Variants in USP45 observed in about 807,000 individuals in gnomAD.
The protein encoded by USP45 is ubiquitin specific peptidase 45.
A neutral mutation model predicts 95.8 loss-of-function variants in USP45; 89 were observed. The observed-to-expected ratio is 0.93, with a 90% CI of 0.78 to 1.11. USP45 has a LOEUF of 1.11. Ranked by LOEUF, USP45 falls within the 50% of genes least tolerant of loss-of-function variation. The pLI, the probability that USP45 is intolerant of heterozygous loss-of-function variation, is 0.00. For synonymous variants in USP45, 281 were observed against 316.2 expected (o/e 0.89, Z 1.18); for missense variants, 898 against 942.5 (o/e 0.95, Z 0.62).
chr6:99,500,485 C>T (rs1490568146), intron 5 of USP45, among the ~76,000 whole-genome samples: 3 of 152,044 alleles, frequency 2.0e-5, no homozygotes, highest in Admixed American at 6.6e-5. Context: ...TCTTATAATA[C>T]TTATTCAAGA....
chr6:99,458,928 A>T (rs897171669), intron 13 of USP45, among the ~76,000 whole-genome samples: 1 of 152,250 alleles, frequency 6.6e-6, no homozygotes, highest in African/African-American at 2.4e-5. Context: ...ACACACAAAA[A>T]TTAACCAGAT....
At position 99,446,014 on chromosome 6, in the gene USP45, A is replaced by G; in HGVS notation, c.1758T>C (p.Asn586=). 1 of 1,613,988 alleles carries G rather than the reference A, an allele frequency of 6.2e-7. No individual in the cohort carries two copies. The highest frequency in any genetic ancestry group is 8.5e-7 in the Non-Finnish European group (1 of 1,179,956). ...RENQPLNISN[N]LCFLEGKHLR... is the part of the protein sequence containing the mutation. ...AATGCTTCCCCTCTAAAAAACATAA[A>G]TTATTTGAAATATTTAGTGGCTGAT... Residue 586 remains asparagine, a synonymous_variant, in exon 14 of 18, where the codon AAT becomes AAC. Coordinates refer to ENST00000500704, the MANE Select transcript of USP45 (RefSeq NM_001346022.3).
At chr6:99,507,188 CAG>C (rs750143577) in intron 4 of USP45, among the ~76,000 whole-genome samples, 3 of 152,176 alleles carry the variant, frequency 2.0e-5, no homozygotes, top group Non-Finnish European at 2.9e-5. Context: ...GCCTTGGCGA[CAG>C]AGTGAGACTC....
At chr6:99,451,795 G>C (rs1783911712) in intron 13 of USP45, among the ~76,000 whole-genome samples, 1 of 152,200 alleles carries the variant, frequency 6.6e-6, no homozygotes, top group Non-Finnish European at 1.5e-5. Context: ...CAAGGCTATA[G>C]TAACCAAAAC....
chr6:99,515,316 G>A (rs1800951335), intron 1 of USP45, 76 bp downstream of exon 1: 1 of 152,236 alleles, frequency 6.6e-6, no homozygotes, highest in Non-Finnish European at 1.5e-5. Flanking sequence ...AGGGGGTCAA[G>A]GTCGCCGAAG....
chr6:99,507,293 C>T (rs1299209506), intron 4 of USP45, 135 bp downstream of exon 4: 13 of 490,616 alleles, frequency 2.6e-5, no homozygotes, highest in South Asian at 2.1e-4. Context: ...TTGAAGTATC[C>T]CATAGATTGT....
chr6:99,503,914 A>AATTG, intron 4 of USP45, 49 bp from the exon 5 acceptor site: 1 of 1,309,870 alleles, frequency 7.6e-7, no homozygotes, highest in Non-Finnish European at 1.0e-6. Context: ...ATTCTCAATA[A>AATTG]TTTTGCACAT....
chr6:99,439,235 C>T (rs944779870), intron 16 of USP45, among the ~76,000 whole-genome samples: 3 of 152,202 alleles, frequency 2.0e-5, no homozygotes, highest in African/African-American at 7.2e-5. Flanking sequence ...TCTACTTCAT[C>T]TACACAATTC....
Position 99,508,623 on chromosome 6 carries a change from T to C in USP45, c.260A>G (p.Lys87Arg), listed in dbSNP as rs1417425461. 1 of 1,612,136 alleles carries C rather than the reference T, an allele frequency of 6.2e-7. No individual in the cohort carries two copies. Among genetic ancestry groups the C allele is most frequent in the East Asian group, 2.2e-5 (1 of 44,810 alleles). The change falls in exon 3 of 18, where the codon AAG becomes AGG. Residue 87 changes from lysine (K) to arginine (R), a missense_variant. Coordinates refer to ENST00000500704, the MANE Select transcript of USP45 (RefSeq NM_001346022.3). ...VLTSDIWLCL[K>R]CGFQGCGKNS... ...TACTTTTCTTACCTGGAAGCCACACTTGAGGCACAACCAAATATCAGAAGT... is the reference window on the plus strand; with the variant it reads ...TACTTTTCTTACCTGGAAGCCACACCTGAGGCACAACCAAATATCAGAAGT...
At chr6:99,442,375 G>T (rs1306059692) in intron 15 of USP45, among the ~76,000 whole-genome samples, 1 of 152,168 alleles carries the variant, frequency 6.6e-6, no homozygotes, top group African/African-American at 2.4e-5. Flanking sequence ...GGCTATGGAA[G>T]AATTCAGAAC....
In USP45 at chr6:99,455,744, G is replaced by T. The variant is rs146079547; in HGVS notation, c.1308+8860C>A. On this transcript the variant is annotated intron_variant, in intron 13 of 17. Transcript: ENST00000500704. ...ATTTGCATCAACATGGGTTGAACTG[G>T]AGGTCATTATGTTAAGTAAGGCAAG... Among the ~76,000 whole-genome samples, 30 of 147,448 alleles carry T rather than the reference G, an allele frequency of 2.0e-4. 1 individual carries two copies. The East Asian group carries it at 5.9e-3, about 29-fold the overall frequency.
chr6:99,456,873 CTT>C (rs1487380272), intron 13 of USP45, among the ~76,000 whole-genome samples: 4 of 152,204 alleles, frequency 2.6e-5, no homozygotes, highest in Non-Finnish European at 4.4e-5. Flanking sequence ...CCATATTTCT[CTT>C]CTTTCAAAAG....
chr6:99,472,181 A>G (rs1789569608), intron 9 of USP45, among the ~76,000 whole-genome samples: 1 of 151,476 alleles, frequency 6.6e-6, no homozygotes, highest in African/African-American at 2.4e-5. Flanking sequence ...CCCAAGACAT[A>G]ATTTTAATCC....
At chr6:99,447,954 G>T (rs1481532257) in intron 13 of USP45, among the ~76,000 whole-genome samples, 2 of 152,206 alleles carry the variant, frequency 1.3e-5, no homozygotes, top group Non-Finnish European at 2.9e-5. Context: ...TGGACCTCCA[G>T]CAAACTCCAA....
At chr6:99,459,378 ACTGTC>A (rs1263354551) in intron 13 of USP45, among the ~76,000 whole-genome samples, 10 of 152,042 alleles carry the variant, frequency 6.6e-5, no homozygotes, top group African/African-American at 2.4e-4. Flanking sequence ...TCTTATCCAA[ACTGTC>A]ACTGATCAGC....
At chr6:99,457,349 G>A (rs948882561) in intron 13 of USP45, among the ~76,000 whole-genome samples, 5 of 152,172 alleles carry the variant, frequency 3.3e-5, no homozygotes, top group East Asian at 1.9e-4. Context: ...GGGGCATCAC[G>A]TAACCTACCG....
intron 13 of USP45, among the ~76,000 whole-genome samples, 197 bp from the exon 14 acceptor site, chr6:99,446,660 T>G (rs2128554463): frequency 6.6e-6 from 1 of 152,282 alleles, no homozygotes; most frequent in Non-Finnish European, 1.5e-5. Flanking sequence ...CACAAGAAAC[T>G]AACAACAGTG....
intron 10 of USP45, among the ~76,000 whole-genome samples, chr6:99,467,389 A>G (rs1788233269): frequency 6.6e-6 from 1 of 152,174 alleles, no homozygotes; most frequent in African/African-American, 2.4e-5. Context: ...CTCTACTTTA[A>G]TAAAAATTTG....
At position 99,462,558 on chromosome 6, in the gene USP45, A is replaced by G. The variant is rs369545752; in HGVS notation, c.1308+2046T>C. The G allele has an allele frequency of 1.2e-4, 121 of 985,434 alleles. 1 individual carries two copies. In the African/African-American group the frequency reaches 1.9e-3, roughly 16 times the overall value. 61.0% of individuals were successfully genotyped at this position (985,434 alleles called of 1,614,324 possible). A position where few individuals can be genotyped will look rare whatever the true frequency, so the allele number is the denominator to read the frequency against. On this transcript the variant is annotated intron_variant, in intron 13 of 17. Transcript: ENST00000500704. ...ATGCTTTGTTTTATACCATTAGAATAAAGCATATGCTCAAATTGAATTTAA... is the reference window on the plus strand; with the variant it reads ...ATGCTTTGTTTTATACCATTAGAATGAAGCATATGCTCAAATTGAATTTAA...
Sources: allele counts gnomAD v4.1 joint callset (sites outside exome capture counted in the v4.1 genomes callset), GRCh38; gene constraint gnomAD v4.1.1; transcripts MANE v1.5; gene names NCBI Gene and HGNC (gene_info 2026-07-23, HGNC 2026-07-21).